RET: variants seen among roughly 807,000 people sequenced by gnomAD.
The protein encoded by RET is ret proto-oncogene.
A neutral mutation model predicts 118.3 loss-of-function variants in RET; 19 were observed. The ratio of observed to expected loss-of-function variants is 0.16; its 90% CI spans 0.11 to 0.24. RET has a LOEUF of 0.24. Ranked by LOEUF, RET falls within the 10% of genes least tolerant of loss-of-function variation. The pLI, the probability that RET is intolerant of heterozygous loss-of-function variation, is 1.00. For missense variants in RET, 1,219 were observed against 1,502.1 expected (o/e 0.81, Z 3.12); for synonymous variants, 597 against 644.1 (o/e 0.93, Z 1.11).
chr10:43,124,748 C>A, intron 17 of RET, 135 bp from the exon 18 acceptor site: 2 of 883,666 alleles, frequency 2.3e-6, no homozygotes, highest in Non-Finnish European at 3.8e-6. Context: ...GTCAGCGATG[C>A]AGAAATAGCT....
chr10:43,085,048 A>G (rs1268332373), intron 1 of RET, among the ~76,000 whole-genome samples: 1 of 152,198 alleles, frequency 6.6e-6, no homozygotes, highest in East Asian at 1.9e-4. Context: ...GCCCTGGGGC[A>G]GTTTTCTCAG....
chr10:43,096,965 T>A (rs1228349057), intron 1 of RET, among the ~76,000 whole-genome samples: 1 of 152,200 alleles, frequency 6.6e-6, no homozygotes, highest in Non-Finnish European at 1.5e-5. Flanking sequence ...TGTGCCCAGC[T>A]GCAGAGACCA....
At position 43,114,833 on chromosome 10, in the gene RET, G is replaced by A; in HGVS notation, c.2136+97G>A. ...GGGAGACAGAGGCCATCCTGTGAGG[G>A]GCTGCCAACGCTGGGCAGACGAGGC... On this transcript the variant is annotated intron_variant, in intron 11 of 19. Transcript: ENST00000355710. This position sits in a 1 kb window ranked among gnomAD's most constrained non-coding sequence, Gnocchi z 4.6. The A allele has an allele frequency of 7.5e-7, 1 of 1,333,762 alleles. No individual in the cohort carries two copies. The highest frequency in any genetic ancestry group is 1.4e-5 in the South Asian group (1 of 73,816). The allele number at this position is 1,333,762 out of a possible 1,614,324, so 82.6% of individuals were successfully genotyped here. A position where few individuals can be genotyped will look rare whatever the true frequency, so the allele number is the denominator to read the frequency against.
chr10:43,119,868 C>A, intron 14 of RET, 123 bp downstream of exon 14: 1 of 1,283,942 alleles, frequency 7.8e-7, no homozygotes, highest in Non-Finnish European at 1.1e-6. Context: ...GCCCACCATG[C>A]CCCTGCCATG....
intron 7 of RET, 102 bp downstream of exon 7, chr10:43,111,567 G>A (rs2132780921): frequency 7.4e-7 from 1 of 1,343,612 alleles, no homozygotes; most frequent in Non-Finnish European, 1.0e-6. Context: ...AGGCTTAGCT[G>A]GGGAGTGGGG....
At chr10:43,089,542 G>A (rs540632729) in intron 1 of RET, among the ~76,000 whole-genome samples, 5 of 152,332 alleles carry the variant, frequency 3.3e-5, no homozygotes, top group East Asian at 1.9e-4. Flanking sequence ...TGCAGGTGGC[G>A]TAGGAAGTGC....
In RET at chr10:43,111,271, A is replaced by G; in HGVS notation, c.1328A>G (p.His443Arg). 1 of 1,614,194 alleles carries G rather than the reference A, an allele frequency of 6.2e-7. No individual in the cohort carries two copies. The highest frequency in any genetic ancestry group is 8.5e-7 in the Non-Finnish European group (1 of 1,180,046). The change falls in exon 7 of 20, where the codon CAT becomes CGT. Residue 443 changes from histidine to arginine, a missense_variant. Physicochemically the swap from His to Arg is conservative, Grantham distance 29. This residue lies in a region of RET where 850 missense variants were observed against 969.6 expected (regional missense o/e 0.88). Transcript: ENST00000355710. ...GGCATCAACGTCCAGTACAAGCTGC[A>G]TTCCTCTGGTGCCAACTGCAGCACG... ...FSGINVQYKL[H>R]SSGANCSTLG...
At chr10:43,101,370 C>G (rs1837639476) in intron 2 of RET, among the ~76,000 whole-genome samples, 1 of 152,254 alleles carries the variant, frequency 6.6e-6, no homozygotes, top group Non-Finnish European at 1.5e-5. Context: ...GCCCTGTCTG[C>G]TGGTGAGAGG....
At chr10:43,097,513 C>A (rs1837546060) in intron 1 of RET, among the ~76,000 whole-genome samples, 1 of 152,140 alleles carries the variant, frequency 6.6e-6, no homozygotes, top group South Asian at 2.1e-4. Flanking sequence ...ATGGATAGCC[C>A]AGACATAGGA....
chr10:43,123,788 A>G lies in RET; in HGVS notation c.2919A>G (p.Pro973=). The change falls in exon 17 of 20, where the codon CCA becomes CCG. Residue 973 remains proline, a synonymous_variant. Transcript: ENST00000355710. The part of the protein sequence containing the change: ...LLKTGHRMER[P]DNCSEEMYRL... Reference sequence around the variant, plus strand: ...AGACCGGCCACCGGATGGAGAGGCCAGACAACTGCAGCGAGGAGATGTGAG... The same window carrying G: ...AGACCGGCCACCGGATGGAGAGGCCGGACAACTGCAGCGAGGAGATGTGAG... The G allele has an allele frequency of 1.2e-6, 2 of 1,614,132 alleles. No homozygotes were observed. The highest frequency in any genetic ancestry group is 1.7e-6 in the Non-Finnish European group (2 of 1,180,036).
In RET at chr10:43,126,628, C is replaced by T. The variant is rs369116900; in HGVS notation, c.3093C>T (p.Asp1031=). ...STPSDSLIYD[D]GLSEEETPLV... is the part of the protein sequence containing the mutation. ...CATCTGACTCCCTGATTTATGACGA[C>T]GGCCTCTCAGAGGAGGAGACACCGC... The change falls in exon 19 of 20, where the codon GAC becomes GAT. Residue 1031 remains aspartate, a synonymous_variant. Transcript: ENST00000355710. The T allele has an allele frequency of 9.3e-6, 15 of 1,614,148 alleles. 1 individual carries two copies. The highest frequency in any genetic ancestry group is 6.7e-5 in the East Asian group (3 of 44,878).
chr10:43,121,335 T>C (rs993618063), intron 15 of RET, among the ~76,000 whole-genome samples: 2 of 152,326 alleles, frequency 1.3e-5, no homozygotes, highest in African/African-American at 4.8e-5. Context: ...AAAATGGACT[T>C]GCACCTTCAG....
chr10:43,077,379 G>A, intron 1 of RET, 48 bp downstream of exon 1: 2 of 1,490,682 alleles, frequency 1.3e-6, no homozygotes, highest in Non-Finnish European at 1.8e-6. Context: ...GGCGAAGTTG[G>A]CGCCGAGCAG....
chr10:43,083,627 C>T (rs779917271), intron 1 of RET, among the ~76,000 whole-genome samples: 3 of 151,708 alleles, frequency 2.0e-5, no homozygotes, highest in Non-Finnish European at 4.4e-5. Context: ...ACAGAGGACG[C>T]GGGGATGGGG....
At chr10:43,109,716 G>T (rs1837871987) in intron 6 of RET, among the ~76,000 whole-genome samples, 2 of 152,176 alleles carry the variant, frequency 1.3e-5, no homozygotes, top group Non-Finnish European at 2.9e-5. Context: ...TTGTAACTAG[G>T]TTTGCTAGAA....
intron 16 of RET, among the ~76,000 whole-genome samples, chr10:43,123,226 A>G (rs1838257270): frequency 1.3e-5 from 2 of 152,208 alleles, no homozygotes; most frequent in Non-Finnish European, 2.9e-5. Flanking sequence ...CTAAGATTTT[A>G]TGAAATTTTC....
chr10:43,104,882 T>A (rs1425415678), intron 3 of RET, 70 bp from the exon 4 acceptor site: 4 of 1,527,796 alleles, frequency 2.6e-6, no homozygotes, highest in Non-Finnish European at 3.5e-6. Flanking sequence ...CAGAGCCCCC[T>A]TCCCGAGGAA....
At chr10:43,081,257 G>A (rs911721097) in intron 1 of RET, among the ~76,000 whole-genome samples, 3 of 151,020 alleles carry the variant, frequency 2.0e-5, no homozygotes, top group Non-Finnish European at 4.4e-5. Context: ...GTTCTCTGCT[G>A]TGCCCTCTAT....
chr10:43,123,000 A>G (rs1384101988), intron 16 of RET, among the ~76,000 whole-genome samples: 2 of 152,370 alleles, frequency 1.3e-5, no homozygotes, highest in Non-Finnish European at 2.9e-5. Context: ...TAGTTGGAAA[A>G]GGCAGAGAAA....
Sources: allele counts gnomAD v4.1 joint callset (sites outside exome capture counted in the v4.1 genomes callset), GRCh38; gene constraint gnomAD v4.1.1; regional missense constraint gnomAD v4.1.1; non-coding constraint Gnocchi (gnomAD v3.1); transcripts MANE v1.5; gene names NCBI Gene and HGNC (gene_info 2026-07-23, HGNC 2026-07-21).